ACBD5: variants seen among roughly 807,000 people sequenced by gnomAD.
The protein encoded by ACBD5 is acyl-CoA binding domain containing 5.
A neutral mutation model predicts 71.8 loss-of-function variants in ACBD5; 40 were observed. The observed-to-expected ratio is 0.56, with a 90% confidence interval of 0.43 to 0.72. The LOEUF (loss-of-function observed/expected upper bound fraction) is 0.72. Among genes scored for constraint, ACBD5 ranks in the 30% least tolerant of loss-of-function variants. ACBD5 has a pLI of 0.00. For missense variants in ACBD5, 559 were observed against 644.5 expected (o/e 0.87, Z 1.44); for synonymous variants, 229 against 218.6 (o/e 1.05, Z -0.42).
intron 4 of ACBD5, among the ~76,000 whole-genome samples, chr10:27,228,791 T>TATATATATATATATATATATA (rs2063411422): frequency 3.6e-4 from 8 of 22,138 alleles, no homozygotes; most frequent in Non-Finnish European, 1.0e-3. Context: ...CCTATTATGT[T>TATATATATATATATATATATA]TATATATATA....
At chr10:27,211,706 T>G (rs1422965336) in intron 8 of ACBD5, among the ~76,000 whole-genome samples, 2 of 152,106 alleles carry the variant, frequency 1.3e-5, no homozygotes, top group East Asian at 3.8e-4. Context: ...CTAAATTTTT[T>G]TTTAAGTCAA....
rs1238588112 is a variant in ACBD5, at chr10:27,240,220, G to GA, written c.181+98dup. Reference sequence around the variant, plus strand: ...CCTTCCACTACATGGCTCCTACACAGAAAAAAAGGCTAAATAAACAACACT... The same window carrying GA: ...CCTTCCACTACATGGCTCCTACACAGAAAAAAAAGGCTAAATAAACAACACT... On this transcript the variant is annotated intron_variant, in intron 2 of 12. Transcript: ENST00000396271. The surrounding 1 kb of genome is among the most constrained non-coding windows in gnomAD (Gnocchi z 4.1). 2.0e-5 allele frequency: 32 copies of GA among 1,595,966 alleles called. No individual in the cohort carries two copies. The highest frequency in any genetic ancestry group is 4.5e-5 in the East Asian group (2 of 44,718).
chr10:27,228,809 ATATATATTT>A (rs1289389931), intron 4 of ACBD5, among the ~76,000 whole-genome samples: 60 of 14,816 alleles, frequency 4.0e-3, no homozygotes, highest in South Asian at 0.039. Context: ...ATATATATAT[ATATATATTT>A]TTTTTTTTTT....
At chr10:27,230,874 C>T (rs2063769666) in intron 4 of ACBD5, among the ~76,000 whole-genome samples, 1 of 150,642 alleles carries the variant, frequency 6.6e-6, no homozygotes. Context: ...CAAAAGAATG[C>T]CTTTGACACA....
Position 27,208,418 on chromosome 10 carries a change from C to T in ACBD5, c.1232G>A (p.Gly411Glu). ...ACTTCCCACCTGCCGGCCCTTGGTT[C>T]CTTCGCTCAAGTGTTGCATCCTATG... Reference protein sequence around the residue: ...RGHRMQHLSEGTKGRQVGSGG... With the variant: ...RGHRMQHLSEETKGRQVGSGG... The change falls in exon 10 of 13, where the codon GGA (glycine) becomes GAA (glutamate). Residue 411 changes from glycine to glutamate, a missense_variant. By Grantham distance (98) the Gly-to-Glu change is moderately conservative. Coordinates refer to ENST00000396271, the MANE Select transcript of ACBD5 (RefSeq NM_145698.5). 2.5e-6 allele frequency: 4 copies of T among 1,614,066 alleles called. No individual in the cohort carries two copies. The highest frequency in any genetic ancestry group is 3.4e-6 in the Non-Finnish European group (4 of 1,180,038).
downstream of ACBD5, among the ~76,000 whole-genome samples, chr10:27,193,114 C>CGTGTGTGTGTGTGTGT (rs58983291): frequency 2.5e-5 from 2 of 80,244 alleles, no homozygotes; most frequent in Non-Finnish European, 2.4e-5. Context: ...TTCCTTCCTT[C>CGTGTGTGTGTGTGTGT]GTGTGTGTGT....
intron 13 of ACBD5, among the ~76,000 whole-genome samples, chr10:27,188,858 T>C (rs529796277): frequency 8.5e-5 from 13 of 152,268 alleles, no homozygotes; most frequent in African/African-American, 2.6e-4. Flanking sequence ...TGCACGTCTT[T>C]AAAAAACACC....
chr10:27,215,504 A>G, intron 8 of ACBD5, 31 bp downstream of exon 8: 1 of 1,492,214 alleles, frequency 6.7e-7, no homozygotes, highest in Non-Finnish European at 9.3e-7. Flanking sequence ...ACCACTTTGA[A>G]AATACACCAA....
intron 12 of ACBD5, among the ~76,000 whole-genome samples, chr10:27,200,814 G>C (rs1490764180): frequency 6.6e-6 from 1 of 152,124 alleles, no homozygotes; most frequent in Non-Finnish European, 1.5e-5. Flanking sequence ...TTGCCCTAAA[G>C]TTTTTCTTGT....
At chr10:27,211,754 C>G (rs539524399) in intron 8 of ACBD5, among the ~76,000 whole-genome samples, 10 of 152,220 alleles carry the variant, frequency 6.6e-5, no homozygotes, top group African/African-American at 2.2e-4. Flanking sequence ...TAAAGAATGG[C>G]TACTGTGTAG....
chr10:27,231,076 T>G (rs896834959), intron 4 of ACBD5, among the ~76,000 whole-genome samples: 1 of 152,140 alleles, frequency 6.6e-6, no homozygotes, highest in South Asian at 2.1e-4. Flanking sequence ...ATTGTTGAAC[T>G]AAGTAAAAAG....
At chr10:27,216,413 T>C (rs1407302515) in intron 7 of ACBD5, among the ~76,000 whole-genome samples, 2 of 152,156 alleles carry the variant, frequency 1.3e-5, no homozygotes, top group Admixed American at 1.3e-4. Flanking sequence ...AGTGCTGGGA[T>C]TACAGGCATG....
rs377296704 is a variant in ACBD5 at position 27,218,059 on chromosome 10, A to G, written c.750T>C (p.Asn250=). ...QNDIHASSSL[N]GRSTEEVKPI... ...GCTTTACTTCTTCAGTGCTTCTGCCATTCAGGGAAGAACTGGCATGAATGT... is the reference window on the plus strand; with the variant it reads ...GCTTTACTTCTTCAGTGCTTCTGCCGTTCAGGGAAGAACTGGCATGAATGT... The change falls in exon 7 of 13, where the codon AAT becomes AAC. Residue 250 remains asparagine, a synonymous_variant. Coordinates refer to ENST00000396271, the MANE Select transcript of ACBD5 (RefSeq NM_145698.5). The G allele has an allele frequency of 5.6e-6, 9 of 1,614,076 alleles. No individual in the cohort carries two copies. The African/African-American group carries it at 1.2e-4, about 22-fold the overall frequency.
At chr10:27,204,672 G>A (rs974797717) in intron 11 of ACBD5, 123 bp from the exon 12 acceptor site, 2 of 720,300 alleles carry the variant, frequency 2.8e-6, no homozygotes, top group Non-Finnish European at 4.9e-6. Context: ...CACTCCTGCT[G>A]AAAGAAGAAA....
chr10:27,228,690 T>C (rs1468238540), intron 4 of ACBD5, among the ~76,000 whole-genome samples: 2 of 150,674 alleles, frequency 1.3e-5, no homozygotes, highest in East Asian at 1.9e-4. Context: ...TATTACATTA[T>C]ATTAAAATAA....
At chr10:27,194,255 T>TA (rs58311546), downstream of ACBD5, among the ~76,000 whole-genome samples, 502 of 137,098 alleles carry the variant, frequency 3.7e-3, 2 homozygotes, top group African/African-American at 0.013. Context: ...CCGTCTCAAT[T>TA]AAAAAAAAAA....
In ACBD5 at chr10:27,215,659, T is replaced by A; in HGVS notation, c.830-18A>T. 3.9e-6 allele frequency: 6 copies of A among 1,543,694 alleles called. No individual in the cohort carries two copies. The highest frequency in any genetic ancestry group is 5.4e-6 in the Non-Finnish European group (6 of 1,118,318). ...ATTTATATCTAAATATGAACAAAAG[T>A]GCAGATAGGGTAATTATACTATAGT... On this transcript the variant is annotated intron_variant, in intron 7 of 12. Coordinates refer to ENST00000396271, the MANE Select transcript of ACBD5 (RefSeq NM_145698.5).
chr10:27,215,410 T>C, intron 8 of ACBD5, 125 bp downstream of exon 8: 6 of 693,400 alleles, frequency 8.7e-6, no homozygotes, highest in South Asian at 8.5e-5. Flanking sequence ...TACAAATGTT[T>C]AAACATTTTA....
chr10:27,185,478 C>A (rs1316936350), intron 13 of ACBD5, among the ~76,000 whole-genome samples: 1 of 151,690 alleles, frequency 6.6e-6, no homozygotes, highest in African/African-American at 2.4e-5. Context: ...ACTAAAAATA[C>A]AAAAATTAGC....
Sources: gnomAD v4.1 joint callset for allele counts (sites outside exome capture counted in the v4.1 genomes callset) on GRCh38, gnomAD v4.1.1 for gene constraint, Gnocchi (gnomAD v3.1) non-coding constraint, MANE v1.5 for transcripts, NCBI Gene and HGNC (gene_info 2026-07-23, HGNC 2026-07-21) for gene names.